The following PHLPP2 variants were observed in gnomAD, a reference collection of about 807,000 sequenced individuals.
PHLPP2 encodes PH domain leucine-rich repeat-containing protein phosphatase 2.
PHLPP2 carries 66 observed loss-of-function variants against 124.9 expected under a neutral mutation model. The ratio of observed to expected loss-of-function variants is 0.53; its 90% confidence interval spans 0.43 to 0.65. The LOEUF (loss-of-function observed/expected upper bound fraction) is 0.65. Ranked by LOEUF, PHLPP2 falls within the 30% of genes least tolerant of loss-of-function variation. The pLI, the probability that PHLPP2 is intolerant of heterozygous loss-of-function variation, is 0.00. For missense variants in PHLPP2, 1,685 were observed against 1,600.4 expected, an observed-to-expected ratio of 1.05 and a Z score of -0.90; for synonymous variants, 681 against 624.7, an observed-to-expected ratio of 1.09 and a Z score of -1.34.
intron 13 of PHLPP2, among the ~76,000 whole-genome samples, chr16:71,661,102 T>C (rs1469624512): frequency 2.6e-5 from 4 of 151,170 alleles, no homozygotes; most frequent in Non-Finnish European, 5.9e-5. Flanking sequence ...GGTCCCGCTC[T>C]GTTGCCCAGG....
intron 3 of PHLPP2, among the ~76,000 whole-genome samples, chr16:71,696,769 T>C (rs2045175600): frequency 6.6e-6 from 1 of 152,186 alleles, no homozygotes; most frequent in African/African-American, 2.4e-5. Flanking sequence ...CTTTCGTATA[T>C]ATCCTGTATT....
chr16:71,662,100 G>C (rs982374583), intron 13 of PHLPP2, among the ~76,000 whole-genome samples: 1 of 151,870 alleles, frequency 6.6e-6, no homozygotes, highest in Non-Finnish European at 1.5e-5. Context: ...GGGATTACAG[G>C]CATGAGCGGC....
At position 71,724,673 on chromosome 16, in the gene PHLPP2, T is replaced by C. The variant is rs912426226; in HGVS notation, c.-351A>G. 6.6e-6 allele frequency: 1 copy of C among 152,268 alleles called. No individual in the cohort carries two copies. The highest frequency in any genetic ancestry group is 1.5e-5 in the Non-Finnish European group (1 of 68,074). 9.4% of individuals were successfully genotyped at this position (152,268 alleles called of 1,614,324 possible). ...CCAGCCTGTTTCCAGATCTCCCCTC[T>C]GCCCTTCTTTAGATCTATACCCCTG... On this transcript the variant is annotated 5_prime_UTR_variant, in exon 1 of 19. Coordinates refer to ENST00000568954, the MANE Select transcript of PHLPP2 (RefSeq NM_015020.3).
intron 9 of PHLPP2, among the ~76,000 whole-genome samples, chr16:71,675,486 T>C (rs1459847602): frequency 6.6e-6 from 1 of 152,220 alleles, no homozygotes. Context: ...ACACAAGCTT[T>C]TAAACCACGA....
intron 9 of PHLPP2, among the ~76,000 whole-genome samples, chr16:71,674,078 C>CTTT (rs35193489): frequency 4.3e-5 from 6 of 139,496 alleles, no homozygotes; most frequent in African/African-American, 1.6e-4. Context: ...ATGTGGCAGA[C>CTTT]TTTTTTTTTT....
chr16:71,719,964 ATTTT>A (rs756642820), intron 1 of PHLPP2, among the ~76,000 whole-genome samples: 11 of 53,248 alleles, frequency 2.1e-4, no homozygotes, highest in East Asian at 1.1e-3. Flanking sequence ...TGCCCAGCTA[ATTTT>A]TTTTTTTTTT....
At position 71,676,457 on chromosome 16, in the gene PHLPP2, G is replaced by C. The variant is rs774423564; in HGVS notation, c.1461C>G (p.Ala487=). The C allele has an allele frequency of 1.2e-6, 2 of 1,613,422 alleles. No homozygotes were observed. The highest frequency in any genetic ancestry group is 2.2e-5 in the South Asian group (2 of 91,070). The change falls in exon 9 of 19, where the codon GCC becomes GCG. Residue 487 remains alanine, a synonymous_variant. Transcript: ENST00000568954. The stretch of plus-strand genomic sequence containing the variant: ...GCAGAGAAAACTCACTGTTGGAACT[G>C]GCATAGAGGGTCCGAAGGGAAAAGC... ...LSGFSLRTLY[A]SSNRLTAVNV...
At chr16:71,665,669 T>C (rs1226502462) in intron 12 of PHLPP2, among the ~76,000 whole-genome samples, 1 of 152,186 alleles carries the variant, frequency 6.6e-6, no homozygotes, top group Admixed American at 6.6e-5. Context: ...CCAGAGTTTG[T>C]ATTAAATAAA....
At chr16:71,653,944 C>G (rs1308357689) in intron 17 of PHLPP2, among the ~76,000 whole-genome samples, 81 of 151,928 alleles carry the variant, frequency 5.3e-4, no homozygotes, top group Admixed American at 4.9e-3. Flanking sequence ...GCCTGTAATC[C>G]CAGCACTTTG....
intron 3 of PHLPP2, 57 bp downstream of exon 3, chr16:71,702,541 G>A: frequency 7.1e-7 from 1 of 1,415,790 alleles, no homozygotes; most frequent in Non-Finnish European, 9.8e-7. Context: ...GCAGATAAGA[G>A]GCACAAATGA....
intron 9 of PHLPP2, among the ~76,000 whole-genome samples, chr16:71,676,160 T>TTGA (rs1203837239): frequency 6.6e-6 from 1 of 152,176 alleles, no homozygotes; most frequent in East Asian, 1.9e-4. Context: ...TAGACTATTA[T>TTGA]TGATGCTCTG....
intron 6 of PHLPP2, among the ~76,000 whole-genome samples, chr16:71,679,747 C>A (rs991456345): frequency 1.3e-5 from 2 of 152,128 alleles, no homozygotes; most frequent in African/African-American, 2.4e-5. Flanking sequence ...ATGAAGGAAA[C>A]CACGTCTAGC....
At chr16:71,666,997 C>T (rs2044845099) in intron 12 of PHLPP2, among the ~76,000 whole-genome samples, 181 bp downstream of exon 12, 1 of 152,184 alleles carries the variant, frequency 6.6e-6, no homozygotes, top group African/African-American at 2.4e-5. Context: ...CTATGAGTTA[C>T]TGCCTCATAA....
chr16:71,700,344 G>A (rs1440854142), intron 3 of PHLPP2, among the ~76,000 whole-genome samples: 1 of 151,666 alleles, frequency 6.6e-6, no homozygotes, highest in African/African-American at 2.4e-5. Flanking sequence ...GGTTGAGGCT[G>A]CAGTGAGCCA....
At chr16:71,716,404 TTAA>T (rs754565989) in intron 1 of PHLPP2, among the ~76,000 whole-genome samples, 3 of 152,194 alleles carry the variant, frequency 2.0e-5, no homozygotes, top group Non-Finnish European at 4.4e-5. Flanking sequence ...TCAAAAAAAA[TTAA>T]TGTCGCATTT....
At position 71,649,042 on chromosome 16, in the gene PHLPP2, G is replaced by C. The variant is rs777154340; in HGVS notation, c.3820C>G (p.Gln1274Glu). The change falls in exon 19 of 19, where the codon CAG (glutamine) becomes GAG (glutamate). Residue 1274 changes from glutamine (Q) to glutamate (E), a missense_variant. Physicochemically the swap from Gln to Glu is conservative, Grantham distance 29. Coordinates refer to ENST00000568954, the MANE Select transcript of PHLPP2 (RefSeq NM_015020.3). ...RKTGYFAAPTQMEPEDQFVVP... is the reference protein window; with the variant it reads ...RKTGYFAAPTEMEPEDQFVVP... ...ACAAACTGGTCCTCTGGTTCCATCT[G>C]AGTGGGGGCAGCAAAATAGCCAGTT... 5.0e-6 allele frequency: 8 copies of C among 1,614,046 alleles called. No homozygotes were observed. The highest frequency in any genetic ancestry group is 2.2e-5 in the East Asian group (1 of 44,886).
intron 12 of PHLPP2, among the ~76,000 whole-genome samples, chr16:71,666,657 T>C (rs865978305): frequency 4.6e-5 from 7 of 152,230 alleles, no homozygotes; most frequent in South Asian, 2.1e-4. Flanking sequence ...TGTTAATTTA[T>C]AGTGAGAAGG....
Position 71,658,215 on chromosome 16 carries a change from T to C in PHLPP2, c.2279+18A>G, listed in dbSNP as rs778849299. On this transcript the variant is annotated intron_variant, in intron 15 of 18. Transcript: ENST00000568954. ...GGGCTAAGAGCACATAGAGATTCCA[T>C]TTCAAATTTTTTCCTACCTAAATAT... 23 of 1,610,910 alleles carry C rather than the reference T, an allele frequency of 1.4e-5. No homozygotes were observed. The Admixed American group carries it at 3.9e-4, about 27-fold the overall frequency.
intron 2 of PHLPP2, among the ~76,000 whole-genome samples, chr16:71,704,821 T>C (rs1046042952): frequency 6.6e-6 from 1 of 152,200 alleles, no homozygotes. Context: ...GGGATTCTTC[T>C]GAGAGAAAGA....
Sources: allele counts gnomAD v4.1 joint callset (sites outside exome capture counted in the v4.1 genomes callset), GRCh38; gene constraint gnomAD v4.1.1; transcripts MANE v1.5; gene names NCBI Gene and HGNC (gene_info 2026-07-23, HGNC 2026-07-21).